Variants in JAM3 observed in about 807,000 individuals in gnomAD.
The protein encoded by JAM3 is junctional adhesion molecule C.
Under a neutral mutation model 39.4 loss-of-function variants are expected in JAM3, and 31 were observed. That is an observed-to-expected ratio of 0.79 (90% confidence interval 0.59 to 1.06). JAM3 has a LOEUF of 1.06. Among genes scored for constraint, JAM3 ranks in the 50% least tolerant of loss-of-function variants. The probability of loss-of-function intolerance (pLI) is 0.00; values close to 1 mark genes in which losing one functional copy is unlikely to be tolerated. For missense variants in JAM3, 455 were observed against 391.4 expected, an observed-to-expected ratio of 1.16 and a Z score of -1.37; for synonymous variants, 182 against 148.7, an observed-to-expected ratio of 1.22 and a Z score of -1.63.
chr11:134,121,945 C>T (rs552332909), intron 1 of JAM3, among the ~76,000 whole-genome samples: 1 of 152,160 alleles, frequency 6.6e-6, no homozygotes, highest in Non-Finnish European at 1.5e-5. Context: ...TCTACCTTAG[C>T]TTAGCACGTG....
intron 1 of JAM3, among the ~76,000 whole-genome samples, chr11:134,079,461 G>T (rs1290916087): frequency 6.6e-6 from 1 of 152,116 alleles, no homozygotes; most frequent in Middle Eastern, 3.2e-3. Context: ...CTGATGTAAT[G>T]TGTGGACAAA....
In JAM3 at chr11:134,140,742, A is replaced by T; in HGVS notation, c.228A>T (p.Thr76=). The change falls in exon 3 of 9, where the codon ACA becomes ACT. Residue 76 remains threonine (T), a synonymous_variant. Transcript: ENST00000299106. ...EWKKIQDEQT[T]YVFFDNKIQG... is the part of the protein sequence containing the mutation. ...AGAAAATTCAAGATGAACAAACCAC[A>T]TATGTGTTTTTTGACAACAAAATTC... is the stretch of plus-strand genomic sequence containing the variant. 1 of 1,613,604 alleles carries T rather than the reference A, an allele frequency of 6.2e-7. No homozygotes were observed. The highest frequency in any genetic ancestry group is 8.5e-7 in the Non-Finnish European group (1 of 1,179,746).
intron 1 of JAM3, among the ~76,000 whole-genome samples, chr11:134,137,344 T>C (rs1942886244): frequency 6.6e-6 from 1 of 152,250 alleles, no homozygotes; most frequent in South Asian, 2.1e-4. Context: ...TTACCAACTC[T>C]AGTATTTCCA....
rs1249088740 is a variant in JAM3, at chr11:134,150,303, C to G, written c.*1122C>G. ...CTCTCAGGTTAGCTTTGAACTGCCTCTTCCTGAGATGACTAGGACAGTCTG... is the reference window on the plus strand; with the variant it reads ...CTCTCAGGTTAGCTTTGAACTGCCTGTTCCTGAGATGACTAGGACAGTCTG... On this transcript the variant is annotated 3_prime_UTR_variant, in exon 9 of 9. Coordinates refer to ENST00000299106, the MANE Select transcript of JAM3 (RefSeq NM_032801.5). 1 of 152,370 alleles carries G rather than the reference C, an allele frequency of 6.6e-6. No individual in the cohort carries two copies. Among genetic ancestry groups the G allele is most frequent in the Non-Finnish European group, 1.5e-5 (1 of 68,144 alleles). 9.4% of individuals were successfully genotyped at this position (152,370 alleles called of 1,614,324 possible). A position where few individuals can be genotyped will look rare whatever the true frequency, so the allele number is the denominator to read the frequency against.
chr11:134,124,946 G>A lies in JAM3; in HGVS notation c.77-14905G>A, dbSNP rs78631966. Among the ~76,000 whole-genome samples, 1,224 of 152,334 alleles carry A rather than the reference G, an allele frequency of 8.0e-3. 14 individuals carry two copies. Among genetic ancestry groups the A allele is most frequent in the African/African-American group, 0.029 (1,185 of 41,576 alleles). ...ATTGAAGTCCGGCGGTGGCAGGAGC[G>A]AGGAGGCGCCCCTCTCCTCAGTTAC... is the stretch of plus-strand genomic sequence containing the variant. On this transcript the variant is annotated intron_variant, in intron 1 of 8. Coordinates refer to ENST00000299106, the MANE Select transcript of JAM3 (RefSeq NM_032801.5).
intron 5 of JAM3, 34 bp downstream of exon 5, chr11:134,145,028 G>A (rs1943046024): frequency 6.6e-7 from 1 of 1,517,392 alleles, no homozygotes; most frequent in Non-Finnish European, 9.2e-7. Context: ...GGATGGAGAT[G>A]TCTTTGTTGG....
At chr11:134,148,706 G>C in intron 7 of JAM3, 30 bp downstream of exon 7, 3 of 1,614,106 alleles carry the variant, frequency 1.9e-6, no homozygotes, top group Non-Finnish European at 1.7e-6. Flanking sequence ...AAAAAGGGAA[G>C]TTCAAGCTGG....
chr11:134,117,300 C>T (rs1350487350), intron 1 of JAM3, among the ~76,000 whole-genome samples: 1 of 152,146 alleles, frequency 6.6e-6, no homozygotes, highest in Non-Finnish European at 1.5e-5. Flanking sequence ...TTGCTTGAAC[C>T]CGGGAGGCGG....
intron 1 of JAM3, among the ~76,000 whole-genome samples, chr11:134,080,173 A>T (rs192674775): frequency 1.1e-4 from 17 of 152,338 alleles, no homozygotes; most frequent in African/African-American, 3.8e-4. Flanking sequence ...GGTCTAGCTG[A>T]TAAGTCCACT....
In JAM3 at chr11:134,142,307, C is replaced by T. The variant is rs1204636528; in HGVS notation, c.256+1537C>T. On this transcript the variant is annotated intron_variant, in intron 3 of 8. Coordinates refer to ENST00000299106, the MANE Select transcript of JAM3 (RefSeq NM_032801.5). ...TCAGTGCAGGGCTGCACCAGAGGCA[C>T]CCTGGTGGGGTTTATTTACTCTTTT... 2.6e-5 allele frequency among the ~76,000 whole-genome samples: 4 copies of T among 152,122 alleles called. No homozygotes were observed. In the East Asian group the frequency reaches 7.7e-4, roughly 29 times the overall value.
chr11:134,081,805 A>C (rs1941670050), intron 1 of JAM3, among the ~76,000 whole-genome samples: 1 of 152,224 alleles, frequency 6.6e-6, no homozygotes, highest in Admixed American at 6.5e-5. Flanking sequence ...TGATAGATCC[A>C]CTGACAGCTT....
chr11:134,088,133 G>A (rs1056567032), intron 1 of JAM3, among the ~76,000 whole-genome samples: 1 of 152,154 alleles, frequency 6.6e-6, no homozygotes, highest in African/African-American at 2.4e-5. Context: ...CTGGGACCAG[G>A]ACTAGAACTC....
chr11:134,081,131 G>A (rs1565482291), intron 1 of JAM3, among the ~76,000 whole-genome samples: 1 of 152,188 alleles, frequency 6.6e-6, no homozygotes, highest in Non-Finnish European at 1.5e-5. Flanking sequence ...GAGTTGACTT[G>A]GGTGCTGTTA....
chr11:134,123,940 TA>T, intron 1 of JAM3: 2 of 1,448,470 alleles, frequency 1.4e-6, no homozygotes, highest in Non-Finnish European at 1.9e-6. Context: ...TTTTGTGTTA[TA>T]AACTGAACTG....
At chr11:134,098,820 G>T (rs529875371) in intron 1 of JAM3, among the ~76,000 whole-genome samples, 2 of 152,222 alleles carry the variant, frequency 1.3e-5, no homozygotes, top group East Asian at 1.9e-4. Flanking sequence ...CCTTCAGCTA[G>T]CATGTTTCCC....
chr11:134,104,788 T>C (rs1942149804), intron 1 of JAM3, among the ~76,000 whole-genome samples: 1 of 151,928 alleles, frequency 6.6e-6, no homozygotes, highest in Non-Finnish European at 1.5e-5. Context: ...ACATACACCC[T>C]CCCAAGACTA....
At chr11:134,095,949 G>A (rs1941974472) in intron 1 of JAM3, among the ~76,000 whole-genome samples, 1 of 152,136 alleles carries the variant, frequency 6.6e-6, no homozygotes, top group Admixed American at 6.5e-5. Context: ...AAATGTTGAT[G>A]TACATGATGT....
At chr11:134,140,617 C>A in intron 2 of JAM3, 40 bp from the exon 3 acceptor site, 1 of 1,539,822 alleles carries the variant, frequency 6.5e-7, no homozygotes, top group Non-Finnish European at 9.0e-7. Context: ...TAGAAGCACT[C>A]CACATTCACC....
rs936420405 is a variant in JAM3 at position 134,144,702 on chromosome 11, G to A, written c.410-90G>A. The A allele has an allele frequency of 3.1e-5, 38 of 1,226,996 alleles. 1 individual carries two copies. The highest frequency in any genetic ancestry group is 1.5e-5 in the African/African-American group (1 of 67,502). The allele number at this position is 1,226,996 out of a possible 1,614,324, so 76.0% of individuals were successfully genotyped here. On this transcript the variant is annotated intron_variant, in intron 4 of 8. Coordinates refer to ENST00000299106, the MANE Select transcript of JAM3 (RefSeq NM_032801.5). The stretch of plus-strand genomic sequence containing the variant: ...TGGCGTGGGAACCCCTCGACTGGCT[G>A]TCTTGTCTTTGGAGCTGATTTCTTC...
Sources: gnomAD v4.1 joint callset for allele counts (sites outside exome capture counted in the v4.1 genomes callset) on GRCh38, gnomAD v4.1.1 for gene constraint, MANE v1.5 for transcripts, NCBI Gene and HGNC (gene_info 2026-07-23, HGNC 2026-07-21) for gene names.